SLCO5A1: variants seen among roughly 807,000 people sequenced by gnomAD.
The protein encoded by SLCO5A1 is solute carrier organic anion transporter family member 5A1, also known as organic anion transporter polypeptide-related protein 4.
A neutral mutation model predicts 65.1 loss-of-function variants in SLCO5A1; 39 were observed. The ratio of observed to expected loss-of-function variants is 0.60; its 90% CI spans 0.46 to 0.78. SLCO5A1 has a LOEUF of 0.78. Ranked by LOEUF, SLCO5A1 falls within the 30% of genes least tolerant of loss-of-function variation. SLCO5A1 has a pLI of 0.00. For synonymous variants in SLCO5A1, 438 were observed against 415.7 expected, an observed-to-expected ratio of 1.05 and a Z score of -0.65; for missense variants, 1,029 against 1,069.4, an observed-to-expected ratio of 0.96 and a Z score of 0.53.
chr8:69,676,982 T>C (rs935606546), intron 8 of SLCO5A1, among the ~76,000 whole-genome samples: 4 of 152,134 alleles, frequency 2.6e-5, no homozygotes, highest in African/African-American at 9.7e-5. Context: ...CAAAATCAGA[T>C]CCATTTTTTT....
At chr8:69,834,527 G>C (rs528640836) in intron 1 of SLCO5A1, among the ~76,000 whole-genome samples, 1 of 152,088 alleles carries the variant, frequency 6.6e-6, no homozygotes, top group Non-Finnish European at 1.5e-5. Flanking sequence ...GCGCCTTCCC[G>C]GGGAACCCCA....
At chr8:69,780,335 G>A (rs180988041) in intron 2 of SLCO5A1, among the ~76,000 whole-genome samples, 23 of 152,238 alleles carry the variant, frequency 1.5e-4, no homozygotes, top group African/African-American at 4.8e-4. Flanking sequence ...TCAGTATATC[G>A]AAGGGATATT....
At chr8:69,705,447 CAATAA>C (rs1814928908) in intron 5 of SLCO5A1, among the ~76,000 whole-genome samples, 1 of 152,090 alleles carries the variant, frequency 6.6e-6, no homozygotes, top group South Asian at 2.1e-4. Flanking sequence ...TTTCATAAAG[CAATAA>C]AATAAAGACA....
rs140108158 is a variant in SLCO5A1, at chr8:69,722,825, G to A, written c.1423+15215C>T. Among the ~76,000 whole-genome samples the A allele has an allele frequency of 7.4e-3, 1,114 of 150,788 alleles. 4 individuals carry two copies. Among genetic ancestry groups the A allele is most frequent in the South Asian group, 0.012 (59 of 4,798 alleles). On this transcript the variant is annotated intron_variant, in intron 5 of 9. Coordinates refer to ENST00000260126, the MANE Select transcript of SLCO5A1 (RefSeq NM_030958.3). The stretch of plus-strand genomic sequence containing the variant: ...TGTGTGTGAATATTTGTGTGTATGC[G>A]TGTACGTATTGTGTGTGAATATATA...
In SLCO5A1 at chr8:69,679,470, G is replaced by A. The variant is rs1199628978; in HGVS notation, c.1932C>T (p.Thr644=). The A allele has an allele frequency of 1.9e-6, 3 of 1,614,230 alleles. No homozygotes were observed. In the East Asian group the frequency reaches 6.7e-5, roughly 36 times the overall value. The part of the protein sequence containing the change: ...GYAVSGKCKR[T]CNTLIPFLVF... ...CTAAGAATGGGATAAGAGTATTGCA[G>A]GTCCGTTTACATTTCCCAGACACAG... Residue 644 remains threonine (T), a synonymous_variant, in exon 8 of 10, where the codon ACC becomes ACT. Coordinates refer to ENST00000260126, the MANE Select transcript of SLCO5A1 (RefSeq NM_030958.3).
chr8:69,706,130 C>T (rs918399449), intron 5 of SLCO5A1, among the ~76,000 whole-genome samples: 2 of 152,188 alleles, frequency 1.3e-5, no homozygotes, highest in Admixed American at 6.6e-5. Flanking sequence ...CACACAACTT[C>T]GTATGAAGAA....
At chr8:69,802,112 C>T (rs1361855264) in intron 2 of SLCO5A1, among the ~76,000 whole-genome samples, 2 of 151,964 alleles carry the variant, frequency 1.3e-5, no homozygotes, top group African/African-American at 2.4e-5. Flanking sequence ...TTCATGGTCA[C>T]GTAAATTTGA....
In SLCO5A1 at chr8:69,748,066, C is replaced by G. The variant is rs544867180; in HGVS notation, c.1258+7358G>C. On this transcript the variant is annotated intron_variant, in intron 4 of 9. Coordinates refer to ENST00000260126, the MANE Select transcript of SLCO5A1 (RefSeq NM_030958.3). Reference sequence around the variant, plus strand: ...CCAATCATAAGGCCCCATGAAGGTACTCTAAGTCCTCCCTCCCCTCCAAAA... The same window carrying G: ...CCAATCATAAGGCCCCATGAAGGTAGTCTAAGTCCTCCCTCCCCTCCAAAA... Among the ~76,000 whole-genome samples the G allele has an allele frequency of 5.9e-5, 9 of 152,224 alleles. No individual in the cohort carries two copies. The East Asian group carries it at 1.5e-3, about 26-fold the overall frequency.
chr8:69,770,336 T>A (rs889979799), intron 2 of SLCO5A1, among the ~76,000 whole-genome samples: 5 of 152,178 alleles, frequency 3.3e-5, no homozygotes, highest in African/African-American at 1.2e-4. Context: ...ATCTCACACC[T>A]GTAATCCCAA....
intron 4 of SLCO5A1, among the ~76,000 whole-genome samples, chr8:69,749,794 A>G (rs1452289893): frequency 2.0e-5 from 3 of 152,122 alleles, no homozygotes; most frequent in Non-Finnish European, 2.9e-5. Flanking sequence ...TTGGGGAGAC[A>G]ATAAATAAGT....
intron 7 of SLCO5A1, among the ~76,000 whole-genome samples, chr8:69,680,047 T>C (rs1169579385): frequency 3.3e-5 from 5 of 152,234 alleles, no homozygotes; most frequent in Admixed American, 3.3e-4. Flanking sequence ...AAAGTAAACA[T>C]CTATTAAATG....
At chr8:69,692,549 T>C (rs1402873987) in intron 6 of SLCO5A1, among the ~76,000 whole-genome samples, 1 of 152,276 alleles carries the variant, frequency 6.6e-6, no homozygotes, top group African/African-American at 2.4e-5. Context: ...TTGACTCTTT[T>C]GTAATAGCAC....
intron 2 of SLCO5A1, among the ~76,000 whole-genome samples, chr8:69,816,411 G>A (rs1239495549): frequency 6.6e-6 from 1 of 152,190 alleles, no homozygotes; most frequent in Non-Finnish European, 1.5e-5. Context: ...TGCACCACCT[G>A]AGTATTGTAA....
chr8:69,737,177 T>C lies in SLCO5A1; in HGVS notation c.1423+863A>G, dbSNP rs181464337. 1.4e-3 allele frequency among the ~76,000 whole-genome samples: 207 copies of C among 152,318 alleles called. 1 individual carries two copies. Among genetic ancestry groups the C allele is most frequent in the African/African-American group, 4.8e-3 (198 of 41,576 alleles). ...ATTACCCAGATATTTCAAATCAATT[T>C]CTCTTTCTACAGTGATGCTTGTTCA... On this transcript the variant is annotated intron_variant, in intron 5 of 9. Coordinates refer to ENST00000260126, the MANE Select transcript of SLCO5A1 (RefSeq NM_030958.3).
rs770191440 is a variant in SLCO5A1, at chr8:69,763,614, C to CAAAAAAAAAAAAAAAAAAAAAAAAA, written c.908-1764_908-1740dup. Among the ~76,000 whole-genome samples, 2 of 13,168 alleles carry CAAAAAAAAAAAAAAAAAAAAAAAAA rather than the reference C, an allele frequency of 1.5e-4. 1 individual carries two copies. Among genetic ancestry groups the CAAAAAAAAAAAAAAAAAAAAAAAAA allele is most frequent in the Non-Finnish European group, 3.3e-4 (2 of 6,100 alleles). 8.6% of individuals were successfully genotyped at this position (13,168 alleles called of 152,430 possible). A position where few individuals can be genotyped will look rare whatever the true frequency, so the allele number is the denominator to read the frequency against. On this transcript the variant is annotated intron_variant, in intron 2 of 9. Transcript: ENST00000260126. ...CAGGCTAGGAAACAGAGCAAGACTCCAAAAAAAAAAAAAAAAAAAAAAAAA... is the reference window on the plus strand; with the variant it reads ...CAGGCTAGGAAACAGAGCAAGACTCCAAAAAAAAAAAAAAAAAAAAAAAAAAAAAAAAAAAAAAAAAAAAAAAAAA...
rs1821211243 is a variant in SLCO5A1, at chr8:69,832,472, C to T, written c.202G>A (p.Gly68Ser). The T allele has an allele frequency of 6.2e-7, 1 of 1,612,648 alleles. No homozygotes were observed. Among genetic ancestry groups the T allele is most frequent in the African/African-American group, 1.3e-5 (1 of 74,876 alleles). ...NPAFGCVDSS[G>S]HQELKQGPNP... ...GGGCCTTGCTTCAACTCCTGGTGGC[C>T]CGAAGAATCCACACAGCCAAAGGCC... is the stretch of plus-strand genomic sequence containing the variant. The change falls in exon 2 of 10, where the codon GGC becomes AGC. Residue 68 changes from glycine to serine, a missense_variant. Around this residue, in one of 3 missense-constraint regions of SLCO5A1, gnomAD observed 647 missense variants for 647.5 expected, o/e 1.00. Coordinates refer to ENST00000260126, the MANE Select transcript of SLCO5A1 (RefSeq NM_030958.3). The surrounding 1 kb of genome is among the most constrained non-coding windows in gnomAD (Gnocchi z 4.5).
intron 4 of SLCO5A1, among the ~76,000 whole-genome samples, chr8:69,746,475 A>T (rs960667228): frequency 1.3e-5 from 2 of 152,214 alleles, no homozygotes; most frequent in African/African-American, 4.8e-5. Flanking sequence ...AAGAGTGAAG[A>T]TGAAAGCAAC....
intron 2 of SLCO5A1, among the ~76,000 whole-genome samples, chr8:69,797,782 T>C (rs189972008): frequency 6.6e-6 from 1 of 152,352 alleles, no homozygotes; most frequent in Admixed American, 6.5e-5. Context: ...TGATAAGATG[T>C]TATCAATGAC....
intron 5 of SLCO5A1, among the ~76,000 whole-genome samples, chr8:69,716,782 CTTT>C (rs61059795): frequency 1.7e-4 from 25 of 143,094 alleles, no homozygotes; most frequent in Non-Finnish European, 1.2e-4. Flanking sequence ...TGTGTTTTTC[CTTT>C]TTTTTTTTTT....
Sources: gnomAD v4.1 joint callset for allele counts (sites outside exome capture counted in the v4.1 genomes callset) on GRCh38, gnomAD v4.1.1 for gene constraint, gnomAD v4.1.1 regional missense constraint, Gnocchi (gnomAD v3.1) non-coding constraint, MANE v1.5 for transcripts, NCBI Gene and HGNC (gene_info 2026-07-23, HGNC 2026-07-21) for gene names.